PACRG: variants seen among roughly 807,000 people sequenced by gnomAD.
PACRG encodes parkin coregulated gene protein.
PACRG carries 29 observed loss-of-function variants against 29.7 expected under a neutral mutation model. The ratio of observed to expected loss-of-function variants is 0.98; its 90% CI spans 0.73 to 1.33. The LOEUF (loss-of-function observed/expected upper bound fraction) is 1.33. Among genes scored for constraint, PACRG ranks in the 40% most tolerant of loss-of-function variants. The probability of loss-of-function intolerance (pLI) is 0.00; values close to 1 mark genes in which losing one functional copy is unlikely to be tolerated. For missense variants in PACRG, 279 were observed against 316.2 expected, an observed-to-expected ratio of 0.88 and a Z score of 0.89; for synonymous variants, 116 against 118.7, an observed-to-expected ratio of 0.98 and a Z score of 0.15.
rs1778740876 is a variant in PACRG at position 163,165,192 on chromosome 6, C to A, written c.613+75784C>A. On this transcript the variant is annotated intron_variant, in intron 4 of 4. Coordinates refer to ENST00000366888, the MANE Select transcript of PACRG (RefSeq NM_001080379.2). ...TAGAAAGGTCTGATGAAGAAAAGCC[C>A]TCCAGAGGAGTGACAGTTTCTGGAG... 1.3e-5 allele frequency among the ~76,000 whole-genome samples: 2 copies of A among 152,206 alleles called. 1 individual carries two copies. Among genetic ancestry groups the A allele is most frequent in the South Asian group, 4.1e-4 (2 of 4,828 alleles).
intron 4 of PACRG, among the ~76,000 whole-genome samples, chr6:163,144,343 TAC>T (rs1204739911): frequency 1.5e-5 from 2 of 137,232 alleles, no homozygotes; most frequent in African/African-American, 3.1e-5. Flanking sequence ...TACACACACA[TAC>T]ATACACACAC....
intron 4 of PACRG, among the ~76,000 whole-genome samples, chr6:163,303,548 G>A (rs35253612): frequency 0.014 from 2,090 of 152,306 alleles, 23 homozygotes; most frequent in Non-Finnish European, 0.021. Context: ...CCTGAGGGCA[G>A]CCATCAGTAG....
chr6:162,814,094 A>T (rs1356742300), intron 1 of PACRG, 53 bp from the exon 2 acceptor site: 13 of 1,508,284 alleles, frequency 8.6e-6, no homozygotes, highest in South Asian at 4.0e-5. Context: ...TTTATTATGA[A>T]TTTTTTTAGT....
At position 163,239,943 on chromosome 6, in the gene PACRG, AC is replaced by A. The variant is rs1308836961; in HGVS notation, c.614-74876del. Among the ~76,000 whole-genome samples the A allele has an allele frequency of 4.1e-3, 231 of 56,298 alleles. 1 individual carries two copies. Among genetic ancestry groups the A allele is most frequent in the African/African-American group, 6.8e-3 (91 of 13,380 alleles). 36.9% of individuals were successfully genotyped at this position (56,298 alleles called of 152,430 possible). Reference sequence around the variant, plus strand: ...CCATCCATAACACACTCACACTCCCACCCCCCCCACACACTCACACTCCCAT... The same window carrying A: ...CCATCCATAACACACTCACACTCCCACCCCCCCACACACTCACACTCCCAT... On this transcript the variant is annotated intron_variant, in intron 4 of 4. Coordinates refer to ENST00000366888, the MANE Select transcript of PACRG (RefSeq NM_001080379.2).
chr6:163,164,025 T>G (rs1778686273), intron 4 of PACRG, among the ~76,000 whole-genome samples: 1 of 152,162 alleles, frequency 6.6e-6, no homozygotes, highest in Non-Finnish European at 1.5e-5. Context: ...GATTTCAGAT[T>G]TTTATTTATA....
chr6:162,971,949 C>T (rs867843970), intron 2 of PACRG, among the ~76,000 whole-genome samples: 2 of 152,144 alleles, frequency 1.3e-5, no homozygotes, highest in Admixed American at 1.3e-4. Flanking sequence ...GTCACCACGG[C>T]GCTCGCAGTT....
intron 2 of PACRG, among the ~76,000 whole-genome samples, chr6:162,911,601 G>A (rs1191206065): frequency 6.6e-6 from 1 of 152,142 alleles, no homozygotes; most frequent in African/African-American, 2.4e-5. Flanking sequence ...TGGGGCACAT[G>A]CATGACAATT....
intron 4 of PACRG, among the ~76,000 whole-genome samples, chr6:163,219,877 C>T (rs1781508710): frequency 6.6e-6 from 1 of 152,208 alleles, no homozygotes; most frequent in Non-Finnish European, 1.5e-5. Context: ...GGGTGCTCAC[C>T]ATTGTTGAGG....
In PACRG at chr6:163,292,290, G is replaced by T. The variant is rs576903317; in HGVS notation, c.614-22537G>T. Among the ~76,000 whole-genome samples, 9 of 152,284 alleles carry T rather than the reference G, an allele frequency of 5.9e-5. No homozygotes were observed. The South Asian group carries it at 1.9e-3, about 32-fold the overall frequency. The stretch of plus-strand genomic sequence containing the variant: ...GGCAAGACCCAACTCTTTTGGTAGC[G>T]TAATCCAGTGTCTTACCATTTTTCA... On this transcript the variant is annotated intron_variant, in intron 4 of 4. Coordinates refer to ENST00000366888, the MANE Select transcript of PACRG (RefSeq NM_001080379.2).
At chr6:163,150,102 T>C (rs994200316) in intron 4 of PACRG, among the ~76,000 whole-genome samples, 9 of 152,232 alleles carry the variant, frequency 5.9e-5, no homozygotes, top group Non-Finnish European at 8.8e-5. Context: ...ACCGGCGATG[T>C]TCTTCCTGAC....
intron 4 of PACRG, among the ~76,000 whole-genome samples, chr6:163,148,484 A>G (rs1028760755): frequency 1.3e-5 from 2 of 152,222 alleles, no homozygotes; most frequent in Non-Finnish European, 2.9e-5. Context: ...TTCTAGCCAG[A>G]GAGCTGCATG....
chr6:163,145,478 A>C (rs570026585), intron 4 of PACRG, among the ~76,000 whole-genome samples: 1 of 152,288 alleles, frequency 6.6e-6, no homozygotes, highest in African/African-American at 2.4e-5. Flanking sequence ...TCATTAGGTT[A>C]CCTTTTCCTA....
At chr6:162,915,177 A>G (rs915948947) in intron 2 of PACRG, among the ~76,000 whole-genome samples, 12 of 152,038 alleles carry the variant, frequency 7.9e-5, no homozygotes, top group Non-Finnish European at 1.6e-4. Flanking sequence ...TATCTACTTG[A>G]GGAATTTCTT....
intron 1 of PACRG, among the ~76,000 whole-genome samples, chr6:162,769,967 T>A (rs1021023260): frequency 6.6e-6 from 1 of 152,082 alleles, no homozygotes; most frequent in Non-Finnish European, 1.5e-5. Flanking sequence ...ATTTTAAAAA[T>A]GATAAACTTA....
At chr6:163,059,079 C>CAA (rs572558082) in intron 2 of PACRG, among the ~76,000 whole-genome samples, 4 of 68,426 alleles carry the variant, frequency 5.8e-5, no homozygotes, top group Non-Finnish European at 6.0e-5. Context: ...AACTCCATCT[C>CAA]AAAAAAAAAA....
At chr6:163,180,851 G>A (rs188589194) in intron 4 of PACRG, among the ~76,000 whole-genome samples, 7 of 152,276 alleles carry the variant, frequency 4.6e-5, no homozygotes, top group South Asian at 2.1e-4. Context: ...CAAACGCTGC[G>A]TCTCCTGGAG....
chr6:162,756,986 G>T (rs1189212554), intron 1 of PACRG, among the ~76,000 whole-genome samples: 2 of 150,834 alleles, frequency 1.3e-5, no homozygotes, highest in African/African-American at 4.9e-5. Flanking sequence ...TTTTTTTTCT[G>T]GACTCACGAT....
intron 2 of PACRG, among the ~76,000 whole-genome samples, chr6:162,878,513 T>C (rs767061004): frequency 6.6e-5 from 10 of 152,346 alleles, no homozygotes; most frequent in Non-Finnish European, 1.3e-4. Context: ...TGTGCCTGCC[T>C]ATCTCTGTGT....
At chr6:163,149,058 G>A (rs1325448076) in intron 4 of PACRG, among the ~76,000 whole-genome samples, 1 of 143,334 alleles carries the variant, frequency 7.0e-6, no homozygotes, top group Non-Finnish European at 1.5e-5. Context: ...GACTGGCTCT[G>A]TTAGGAGGAA....
Sources: allele counts gnomAD v4.1 joint callset (sites outside exome capture counted in the v4.1 genomes callset), GRCh38; gene constraint gnomAD v4.1.1; transcripts MANE v1.5; gene names NCBI Gene and HGNC (gene_info 2026-07-23, HGNC 2026-07-21).